Variants in ASH1L observed in about 807,000 individuals in gnomAD.
The protein encoded by ASH1L is histone-lysine N-methyltransferase ASH1L.
In ASH1L, 23 loss-of-function variants were observed where a neutral mutation model predicts 269.0. The observed-to-expected ratio is 0.09, with a 90% CI of 0.06 to 0.12. The LOEUF is 0.12. ASH1L is among the 10% of genes least tolerant of loss of function. The probability of loss-of-function intolerance (pLI) is 1.00; values close to 1 mark genes in which losing one functional copy is unlikely to be tolerated. For synonymous variants in ASH1L, 1,187 were observed against 1,253.5 expected (o/e 0.95, Z 1.12); for missense variants, 2,912 against 3,567.8 (o/e 0.82, Z 4.68).
chr1:155,543,085 C>T (rs1001828588), intron 1 of ASH1L, among the ~76,000 whole-genome samples: 6 of 152,062 alleles, frequency 3.9e-5, no homozygotes, highest in African/African-American at 1.5e-4. Flanking sequence ...AATTATATCT[C>T]AGTAAAGCCA....
intron 6 of ASH1L, among the ~76,000 whole-genome samples, chr1:155,408,263 G>A (rs1659457022): frequency 1.3e-5 from 2 of 152,162 alleles, no homozygotes; most frequent in East Asian, 1.9e-4. Flanking sequence ...ATAATAAATG[G>A]ATGATATTTA....
intron 6 of ASH1L, among the ~76,000 whole-genome samples, chr1:155,410,713 T>C (rs1659692902): frequency 6.6e-6 from 1 of 151,800 alleles, no homozygotes; most frequent in African/African-American, 2.4e-5. Context: ...ACCCATAGAA[T>C]GTATATCACC....
Position 155,542,626 on chromosome 1 carries a change from T to C in ASH1L, c.-100+19527A>G, listed in dbSNP as rs1670502893. 2.6e-5 allele frequency among the ~76,000 whole-genome samples: 4 copies of C among 152,066 alleles called. No homozygotes were observed. The South Asian group carries it at 8.3e-4, about 32-fold the overall frequency. On this transcript the variant is annotated intron_variant, in intron 1 of 27. Transcript: ENST00000392403. Reference sequence around the variant, plus strand: ...AAGGCCACTGAACATGCTTATATTTTAAACAAAAGAGCCACTTCTAAGAAG... The same window carrying C: ...AAGGCCACTGAACATGCTTATATTTCAAACAAAAGAGCCACTTCTAAGAAG...
intron 1 of ASH1L, among the ~76,000 whole-genome samples, chr1:155,553,866 G>A (rs1422518940): frequency 1.3e-5 from 2 of 150,420 alleles, no homozygotes; most frequent in East Asian, 1.9e-4. Flanking sequence ...GCAAGATCTC[G>A]GCTCACCGCA....
At chr1:155,473,492 A>AT (rs774259211) in intron 3 of ASH1L, among the ~76,000 whole-genome samples, 4,208 of 127,692 alleles carry the variant, frequency 0.033, 81 homozygotes, top group Middle Eastern at 0.11. Flanking sequence ...TAGTATTTCT[A>AT]TTTTTTTTTT....
Position 155,562,186 on chromosome 1 carries a change from T to C in ASH1L, c.-133A>G. On this transcript the variant is annotated 5_prime_UTR_variant, in exon 1 of 28. Transcript: ENST00000392403. Reference sequence around the variant, plus strand: ...AGGCCGAGGCCGAGGCCGAGAGCGATGAGAGTGCAGGGAAGTGGGGAAGAG... The same window carrying C: ...AGGCCGAGGCCGAGGCCGAGAGCGACGAGAGTGCAGGGAAGTGGGGAAGAG... The C allele has an allele frequency of 1.2e-6, 2 of 1,600,082 alleles. No homozygotes were observed. The highest frequency in any genetic ancestry group is 1.7e-6 in the Non-Finnish European group (2 of 1,168,688).
At chr1:155,537,860 G>A (rs1670160753) in intron 1 of ASH1L, among the ~76,000 whole-genome samples, 1 of 151,982 alleles carries the variant, frequency 6.6e-6, no homozygotes, top group South Asian at 2.1e-4. Flanking sequence ...AGGTTACTGT[G>A]ATAGTACACA....
intron 3 of ASH1L, among the ~76,000 whole-genome samples, chr1:155,466,390 T>A (rs1051341972): frequency 2.0e-5 from 3 of 151,978 alleles, no homozygotes; most frequent in African/African-American, 7.3e-5. Flanking sequence ...ACAAAAACTC[T>A]GTTTTTTTCT....
intron 5 of ASH1L, among the ~76,000 whole-genome samples, chr1:155,426,731 G>A (rs1230200166): frequency 6.6e-6 from 1 of 151,824 alleles, no homozygotes; most frequent in Non-Finnish European, 1.5e-5. Flanking sequence ...CTATTTCTAG[G>A]CTACACCTAC....
intron 19 of ASH1L, 95 bp downstream of exon 19, chr1:155,349,232 A>G: frequency 1.4e-6 from 2 of 1,402,008 alleles, no homozygotes; most frequent in Non-Finnish European, 1.9e-6. Context: ...CCAACCAGAA[A>G]TATGGCTGAT....
intron 4 of ASH1L, chr1:155,440,550 T>C: frequency 7.3e-6 from 7 of 965,176 alleles, no homozygotes; most frequent in Non-Finnish European, 8.6e-6. Flanking sequence ...TTATCATCAG[T>C]ATGTAAGTGA....
intron 2 of ASH1L, among the ~76,000 whole-genome samples, chr1:155,495,044 T>C (rs904479584): frequency 6.6e-6 from 1 of 152,156 alleles, no homozygotes; most frequent in Non-Finnish European, 1.5e-5. Flanking sequence ...AATGAGAACA[T>C]ACATTTGTTT....
Position 155,344,213 on chromosome 1 carries a change from A to G in ASH1L, c.7951T>C (p.Leu2651=). 1.2e-6 allele frequency: 2 copies of G among 1,614,154 alleles called. No individual in the cohort carries two copies. Among genetic ancestry groups the G allele is most frequent in the Non-Finnish European group, 1.7e-6 (2 of 1,180,012 alleles). ...CGAAGCAGCAAGTCATCTCGGAGCA[A>G]ACAGATGAAGTAGACACAGCCAGGT... ...AQPGCVYFIC[L]LRDDLLLRQG... is the part of the protein sequence containing the mutation. Residue 2651 remains leucine (L), a synonymous_variant, in exon 22 of 28, where the codon TTG becomes CTG. Coordinates refer to ENST00000392403, the MANE Select transcript of ASH1L (RefSeq NM_018489.3).
Position 155,357,308 on chromosome 1 carries a change from C to A in ASH1L, c.7055+8G>T, listed in dbSNP as rs754757876. 2 of 1,606,658 alleles carry A rather than the reference C, an allele frequency of 1.2e-6. No homozygotes were observed. The highest frequency in any genetic ancestry group is 3.3e-5 in the Admixed American group (2 of 59,714). On this transcript the variant is annotated splice_region_variant and intron_variant, in intron 15 of 27. Coordinates refer to ENST00000392403, the MANE Select transcript of ASH1L (RefSeq NM_018489.3). ...CAAAGAACATGGATAAGGATATTTC[C>A]TTTTTACCTTTCACGATTGGACATT...
intron 12 of ASH1L, chr1:155,370,211 C>T: frequency 2.5e-6 from 1 of 392,654 alleles, no homozygotes; most frequent in Non-Finnish European, 4.7e-6. Flanking sequence ...CTATCATCAT[C>T]ATCATTATTA....
intron 1 of ASH1L, among the ~76,000 whole-genome samples, chr1:155,525,892 T>C (rs1669215321): frequency 6.6e-6 from 1 of 152,132 alleles, no homozygotes; most frequent in South Asian, 2.1e-4. Flanking sequence ...ATACAGCCTA[T>C]ACACATGCTC....
intron 2 of ASH1L, among the ~76,000 whole-genome samples, chr1:155,515,036 C>T (rs1668403775): frequency 6.6e-6 from 1 of 152,150 alleles, no homozygotes. Context: ...CAAAAAAGGT[C>T]ATGGTCACCG....
chr1:155,459,220 G>C (rs1417140330), intron 4 of ASH1L, among the ~76,000 whole-genome samples: 1 of 150,836 alleles, frequency 6.6e-6, no homozygotes, highest in Non-Finnish European at 1.5e-5. Flanking sequence ...TTTTCAGACA[G>C]AGTCTCACTC....
intron 2 of ASH1L, among the ~76,000 whole-genome samples, chr1:155,509,909 G>A (rs913940391): frequency 1.3e-5 from 2 of 152,090 alleles, no homozygotes; most frequent in African/African-American, 4.8e-5. Context: ...ATGGATCAAG[G>A]ATTTATATGT....
Sources: allele counts gnomAD v4.1 joint callset (sites outside exome capture counted in the v4.1 genomes callset), GRCh38; gene constraint gnomAD v4.1.1; transcripts MANE v1.5; gene names NCBI Gene and HGNC (gene_info 2026-07-23, HGNC 2026-07-21).